FBXW7: variants seen among roughly 807,000 people sequenced by gnomAD.
FBXW7 encodes the protein F-box/WD repeat-containing protein 7.
A neutral mutation model predicts 86.3 loss-of-function variants in FBXW7; 11 were observed. The observed-to-expected ratio is 0.13, with a 90% CI of 0.08 to 0.21. FBXW7 has a LOEUF of 0.21. FBXW7 is among the 10% of genes least tolerant of loss of function. FBXW7 has a pLI of 1.00. For missense variants in FBXW7, 488 were observed against 847.4 expected, an observed-to-expected ratio of 0.58 and a Z score of 5.27; for synonymous variants, 313 against 297.9, an observed-to-expected ratio of 1.05 and a Z score of -0.52.
At chr4:152,364,192 T>C (rs1733247487) in intron 4 of FBXW7, among the ~76,000 whole-genome samples, 1 of 152,196 alleles carries the variant, frequency 6.6e-6, no homozygotes, top group South Asian at 2.1e-4. Context: ...GACATTATAT[T>C]GAGGCCAGGC....
At chr4:152,423,590 C>T (rs1192970121) in intron 2 of FBXW7, among the ~76,000 whole-genome samples, 1 of 152,118 alleles carries the variant, frequency 6.6e-6, no homozygotes, top group African/African-American at 2.4e-5. Flanking sequence ...AGATAAACCA[C>T]ATAAATGATA....
intron 2 of FBXW7, among the ~76,000 whole-genome samples, chr4:152,527,445 G>A (rs73863130): frequency 0.018 from 2,705 of 152,138 alleles, 92 homozygotes; most frequent in African/African-American, 0.061. Flanking sequence ...CCCCTAAAAA[G>A]CATGCAATCC....
chr4:152,398,067 T>TA (rs201544364), intron 4 of FBXW7, among the ~76,000 whole-genome samples: 2,321 of 150,746 alleles, frequency 0.015, 28 homozygotes, highest in Middle Eastern at 0.044. Flanking sequence ...AGCTGCTTGT[T>TA]AAAAAAAAAG....
chr4:152,329,622 T>G, intron 10 of FBXW7, 50 bp downstream of exon 10: 1 of 880,424 alleles, frequency 1.1e-6, no homozygotes. Flanking sequence ...CTACTTGCAA[T>G]GATATACACA....
chr4:152,349,283 G>A (rs1731570357), intron 5 of FBXW7, among the ~76,000 whole-genome samples: 1 of 148,958 alleles, frequency 6.7e-6, no homozygotes, highest in Non-Finnish European at 1.5e-5. Context: ...TTAAAAACTG[G>A]CAATTATACA....
intron 2 of FBXW7, among the ~76,000 whole-genome samples, chr4:152,490,570 T>C (rs185962342): frequency 7.2e-5 from 11 of 152,092 alleles, no homozygotes; most frequent in East Asian, 5.8e-4. Flanking sequence ...CTAGGAAATA[T>C]TGGGCATAGG....
chr4:152,528,893 T>C (rs1429454088), intron 2 of FBXW7, among the ~76,000 whole-genome samples: 2 of 152,110 alleles, frequency 1.3e-5, no homozygotes, highest in African/African-American at 4.8e-5. Flanking sequence ...CATGCAGAAA[T>C]GAACATCTAG....
At chr4:152,392,593 A>C (rs1377064432) in intron 4 of FBXW7, among the ~76,000 whole-genome samples, 7 of 152,034 alleles carry the variant, frequency 4.6e-5, no homozygotes, top group Admixed American at 4.6e-4. Flanking sequence ...CAAATTACAA[A>C]CCTATAAGAA....
chr4:152,371,474 T>C (rs1421076494), intron 4 of FBXW7, among the ~76,000 whole-genome samples: 5 of 152,008 alleles, frequency 3.3e-5, no homozygotes, highest in African/African-American at 1.2e-4. Flanking sequence ...ATAGATACTA[T>C]CTAACAGTAT....
chr4:152,460,115 A>C (rs1291199911), intron 2 of FBXW7, among the ~76,000 whole-genome samples: 1 of 152,222 alleles, frequency 6.6e-6, no homozygotes, highest in African/African-American at 2.4e-5. Flanking sequence ...TGTACAGCTA[A>C]AATGGCAAAT....
intron 2 of FBXW7, among the ~76,000 whole-genome samples, chr4:152,440,178 A>G (rs961827934): frequency 1.5e-4 from 23 of 152,198 alleles, no homozygotes; most frequent in African/African-American, 4.8e-4. Context: ...ATTCTGGTAT[A>G]TACTATGTCT....
At chr4:152,480,021 A>AT (rs1560949858) in intron 2 of FBXW7, among the ~76,000 whole-genome samples, 1 of 151,950 alleles carries the variant, frequency 6.6e-6, no homozygotes, top group African/African-American at 2.4e-5. Flanking sequence ...CTCATGGATT[A>AT]TTTTTTTCAA....
At chr4:152,475,286 G>T (rs1021729457) in intron 2 of FBXW7, among the ~76,000 whole-genome samples, 1 of 151,918 alleles carries the variant, frequency 6.6e-6, no homozygotes, top group African/African-American at 2.4e-5. Flanking sequence ...ACTTAGCCAG[G>T]CATGATGGCA....
intron 2 of FBXW7, among the ~76,000 whole-genome samples, chr4:152,497,804 T>C (rs1369691191): frequency 1.3e-5 from 2 of 152,304 alleles, no homozygotes; most frequent in South Asian, 2.1e-4. Context: ...TAAGTACCTA[T>C]GTACGAGCAT....
intron 9 of FBXW7, among the ~76,000 whole-genome samples, chr4:152,330,013 A>T (rs2126528394): frequency 6.6e-6 from 1 of 152,034 alleles, no homozygotes; most frequent in East Asian, 1.9e-4. Flanking sequence ...TTAAAGTTTT[A>T]CTGCATCAAG....
At position 152,411,285 on chromosome 4, in the gene FBXW7, T is replaced by C. The variant is rs757915339; in HGVS notation, c.501+18A>G. 3 of 1,554,974 alleles carry C rather than the reference T, an allele frequency of 1.9e-6. No homozygotes were observed. Among genetic ancestry groups the C allele is most frequent in the South Asian group, 1.2e-5 (1 of 82,066 alleles). On this transcript the variant is annotated intron_variant, in intron 4 of 13. Coordinates refer to ENST00000281708, the MANE Select transcript of FBXW7 (RefSeq NM_001349798.2). ...TATGTAAAGTTTCTCAGGTTAACAA[T>C]ATATTGAATATACTCACTTTTGTTG...
intron 4 of FBXW7, chr4:152,352,741 A>C: frequency 6.2e-7 from 1 of 1,612,206 alleles, no homozygotes; most frequent in Non-Finnish European, 8.5e-7. Context: ...ACATACATGC[A>C]GCTTGACTGA....
intron 2 of FBXW7, among the ~76,000 whole-genome samples, chr4:152,445,648 C>T (rs1024303126): frequency 6.6e-6 from 1 of 152,060 alleles, no homozygotes; most frequent in Non-Finnish European, 1.5e-5. Context: ...TGGCTCACAC[C>T]TGTAATCCCA....
chr4:152,521,823 TTTTTTTTTTTTTTGAGACTGAGTC>T (rs1378851581), intron 2 of FBXW7, among the ~76,000 whole-genome samples: 1 of 139,536 alleles, frequency 7.2e-6, no homozygotes, highest in Non-Finnish European at 1.6e-5. Context: ...TTTTTTTTTT[TTTTTTTTTTTTTTGAGACTGAGTC>T]TCGCCCTGTC....
Sources: allele counts gnomAD v4.1 joint callset (sites outside exome capture counted in the v4.1 genomes callset), GRCh38; gene constraint gnomAD v4.1.1; transcripts MANE v1.5; gene names NCBI Gene and HGNC (gene_info 2026-07-23, HGNC 2026-07-21).